FZD3: variants seen among roughly 807,000 people sequenced by gnomAD.
The protein encoded by FZD3 is frizzled-3.
FZD3 carries 30 observed loss-of-function variants against 60.7 expected under a neutral mutation model. That is an observed-to-expected ratio of 0.49 (90% CI 0.37 to 0.67). FZD3 has a LOEUF of 0.67. Ranked by LOEUF, FZD3 falls within the 30% of genes least tolerant of loss-of-function variation. The pLI, the probability that FZD3 is intolerant of heterozygous loss-of-function variation, is 0.00. For synonymous variants in FZD3, 246 were observed against 275.2 expected (o/e 0.89, Z 1.05); for missense variants, 605 against 838.7 (o/e 0.72, Z 3.44).
chr8:28,559,047 T>C (rs1448141409), intron 7 of FZD3, among the ~76,000 whole-genome samples: 4 of 152,206 alleles, frequency 2.6e-5, no homozygotes, highest in African/African-American at 9.6e-5. Context: ...AAAGGTCAGA[T>C]TGGTTCGTGA....
intron 7 of FZD3, among the ~76,000 whole-genome samples, chr8:28,560,494 T>C (rs754346400): frequency 6.6e-6 from 1 of 152,198 alleles, no homozygotes; most frequent in Non-Finnish European, 1.5e-5. Flanking sequence ...TATGTGTCAC[T>C]TAAGGAATTT....
chr8:28,536,605 A>T (rs1337956205), intron 5 of FZD3, among the ~76,000 whole-genome samples: 1 of 152,144 alleles, frequency 6.6e-6, no homozygotes. Context: ...GCTACTCAGG[A>T]GGCTGAGGCA....
intron 4 of FZD3, among the ~76,000 whole-genome samples, chr8:28,521,895 T>G (rs942570204): frequency 7.9e-5 from 12 of 152,186 alleles, no homozygotes; most frequent in African/African-American, 2.9e-4. Flanking sequence ...CTCCTTCATA[T>G]TTAAAAATAA....
At chr8:28,528,691 CT>C (rs1804784142) in intron 5 of FZD3, among the ~76,000 whole-genome samples, 1 of 152,058 alleles carries the variant, frequency 6.6e-6, no homozygotes, top group South Asian at 2.1e-4. Flanking sequence ...CTAGAAAGAA[CT>C]TTAGAGATCA....
chr8:28,507,392 A>C lies in FZD3; in HGVS notation c.189+4190A>C, dbSNP rs183346193. On this transcript the variant is annotated intron_variant, in intron 3 of 7. Transcript: ENST00000240093. ...AGGCACTGTAGAGGCTTGATTAGACACGAGTTTGGTTTTTTATTGTTGTTT... is the reference window on the plus strand; with the variant it reads ...AGGCACTGTAGAGGCTTGATTAGACCCGAGTTTGGTTTTTTATTGTTGTTT... Among the ~76,000 whole-genome samples the C allele has an allele frequency of 4.6e-5, 7 of 152,288 alleles. No individual in the cohort carries two copies. The East Asian group carries it at 1.3e-3, about 29-fold the overall frequency.
chr8:28,544,884 C>T (rs187165453), intron 5 of FZD3, among the ~76,000 whole-genome samples: 3 of 152,178 alleles, frequency 2.0e-5, no homozygotes, highest in African/African-American at 4.8e-5. Flanking sequence ...TTGAAGGGGC[C>T]GCATCTGGTG....
At chr8:28,515,553 G>A (rs901779768) in intron 3 of FZD3, among the ~76,000 whole-genome samples, 2 of 152,194 alleles carry the variant, frequency 1.3e-5, no homozygotes, top group Non-Finnish European at 2.9e-5. Context: ...CTAGCACTTG[G>A]GAAGGGGCTG....
At chr8:28,509,787 T>G (rs1804236292) in intron 3 of FZD3, among the ~76,000 whole-genome samples, 1 of 152,238 alleles carries the variant, frequency 6.6e-6, no homozygotes, top group Admixed American at 6.5e-5. Flanking sequence ...TTTTTAAGGC[T>G]GAATAGTATT....
At chr8:28,522,083 A>ATTTGTT (rs919054010) in intron 4 of FZD3, among the ~76,000 whole-genome samples, 2 of 151,114 alleles carry the variant, frequency 1.3e-5, no homozygotes, top group African/African-American at 4.9e-5. Flanking sequence ...AATGAAACCA[A>ATTTGTT]TTTGTTTTCT....
At chr8:28,535,026 T>G (rs10503830) in intron 5 of FZD3, among the ~76,000 whole-genome samples, 34,271 of 152,176 alleles carry the variant, frequency 0.23, 5,041 homozygotes, top group Non-Finnish European at 0.31. Flanking sequence ...ATAAGGTTGC[T>G]TAACAGTTAT....
intron 3 of FZD3, among the ~76,000 whole-genome samples, chr8:28,505,759 G>C (rs1158274857): frequency 6.6e-6 from 1 of 152,178 alleles, no homozygotes; most frequent in African/African-American, 2.4e-5. Context: ...CAGAATCTGG[G>C]TTATTTTAAG....
intron 5 of FZD3, among the ~76,000 whole-genome samples, chr8:28,548,149 A>G (rs1401325809): frequency 6.6e-6 from 1 of 151,992 alleles, no homozygotes; most frequent in Non-Finnish European, 1.5e-5. Flanking sequence ...CACCGTGCCC[A>G]GCTCACTTGT....
At chr8:28,558,369 C>G (rs759996837) in intron 7 of FZD3, among the ~76,000 whole-genome samples, 1 of 152,128 alleles carries the variant, frequency 6.6e-6, no homozygotes, top group Non-Finnish European at 1.5e-5. Context: ...TCATCACCCT[C>G]CATGAACCCA....
Position 28,522,241 on chromosome 8 carries a change from T to G in FZD3, c.386+1407T>G, listed in dbSNP as rs1804599896. On this transcript the variant is annotated intron_variant, in intron 4 of 7. Coordinates refer to ENST00000240093, the MANE Select transcript of FZD3 (RefSeq NM_017412.4). ...TGCCTTAGCCTCATGGATACCAATT[T>G]GTTTTCTTACAAACATTATAACAAA... 2.0e-5 allele frequency among the ~76,000 whole-genome samples: 3 copies of G among 151,810 alleles called. No homozygotes were observed. In the South Asian group the frequency reaches 6.2e-4, roughly 32 times the overall value.
At position 28,568,289 on chromosome 8, in the gene FZD3, T is replaced by A. The variant is rs1200724037; in HGVS notation, c.*5278T>A. 1 of 152,182 alleles carries A rather than the reference T, an allele frequency of 6.6e-6. No individual in the cohort carries two copies. The highest frequency in any genetic ancestry group is 1.5e-5 in the Non-Finnish European group (1 of 68,008). The allele number at this position is 152,182 out of a possible 1,614,324, so 9.4% of individuals were successfully genotyped here. A position where few individuals can be genotyped will look rare whatever the true frequency, so the allele number is the denominator to read the frequency against. On this transcript the variant is annotated 3_prime_UTR_variant, in exon 8 of 8. Transcript: ENST00000240093. ...AGCTGTATAATCTTACACATTATTC[T>A]TATATAATTTTGACCTATTTTATAT...
intron 6 of FZD3, 89 bp downstream of exon 6, chr8:28,551,840 G>A (rs1227743982): frequency 7.9e-6 from 8 of 1,018,460 alleles, no homozygotes; most frequent in African/African-American, 1.6e-5. Context: ...ACTTGGATTT[G>A]GAGAATTATT....
At chr8:28,561,330 T>C (rs1805608738) in intron 7 of FZD3, among the ~76,000 whole-genome samples, 1 of 152,182 alleles carries the variant, frequency 6.6e-6, no homozygotes, top group Non-Finnish European at 1.5e-5. Flanking sequence ...GTGCTGGGAT[T>C]ACAGGCATGA....
chr8:28,522,905 G>T (rs1003110117), intron 4 of FZD3, among the ~76,000 whole-genome samples: 2 of 151,620 alleles, frequency 1.3e-5, no homozygotes, highest in Admixed American at 6.6e-5. Context: ...AAGTAGCTGG[G>T]CTTACAGGTG....
chr8:28,532,929 A>C (rs945593906), intron 5 of FZD3, among the ~76,000 whole-genome samples: 1 of 152,178 alleles, frequency 6.6e-6, no homozygotes, highest in Admixed American at 6.5e-5. Flanking sequence ...CTCTGTCCTC[A>C]TATCTTTGAA....
Sources: allele counts gnomAD v4.1 joint callset (sites outside exome capture counted in the v4.1 genomes callset), GRCh38; gene constraint gnomAD v4.1.1; transcripts MANE v1.5; gene names NCBI Gene and HGNC (gene_info 2026-07-23, HGNC 2026-07-21).